The following CSMD2 variants were observed in gnomAD, a reference collection of about 807,000 sequenced individuals.
The protein encoded by CSMD2 is CUB and sushi domain-containing protein 2.
In CSMD2, 130 loss-of-function variants were observed where a neutral mutation model predicts 398.5. The observed-to-expected ratio is 0.33, with a 90% CI of 0.28 to 0.38. The LOEUF is 0.38. CSMD2 is among the 10% of genes least tolerant of loss of function. CSMD2 has a pLI of 1.00. For missense variants in CSMD2, 3,829 were observed against 4,764.9 expected (o/e 0.80, Z 5.78); for synonymous variants, 1,828 against 1,908.5 (o/e 0.96, Z 1.10).
chr1:33,670,934 A>C (rs984494512), intron 25 of CSMD2, among the ~76,000 whole-genome samples: 2 of 152,124 alleles, frequency 1.3e-5, no homozygotes, highest in Non-Finnish European at 2.9e-5. Context: ...TCTTTATAAG[A>C]GAAAAGAGAG....
intron 5 of CSMD2, among the ~76,000 whole-genome samples, chr1:33,904,306 A>G (rs1032357903): frequency 2.6e-5 from 4 of 152,174 alleles, no homozygotes; most frequent in African/African-American, 9.7e-5. Flanking sequence ...GGTCGTGGAG[A>G]AGGCTAAGAG....
At chr1:33,751,898 TA>T (rs1648304083) in intron 13 of CSMD2, among the ~76,000 whole-genome samples, 1 of 152,226 alleles carries the variant, frequency 6.6e-6, no homozygotes, top group Non-Finnish European at 1.5e-5. Context: ...GTGCTGGGAT[TA>T]CAGGCATGAG....
At chr1:34,025,199 GGT>G (rs1649476720) in intron 3 of CSMD2, among the ~76,000 whole-genome samples, 1 of 152,150 alleles carries the variant, frequency 6.6e-6, no homozygotes, top group Non-Finnish European at 1.5e-5. Flanking sequence ...AACACGCTGT[GGT>G]CCTTATACAG....
chr1:33,784,727 C>T (rs1653304820), intron 12 of CSMD2, among the ~76,000 whole-genome samples: 1 of 152,136 alleles, frequency 6.6e-6, no homozygotes, highest in Non-Finnish European at 1.5e-5. Context: ...GCCTGGAGGA[C>T]AAGAAATGTG....
chr1:34,033,430 A>T (rs1171615502), intron 2 of CSMD2, among the ~76,000 whole-genome samples: 2 of 152,258 alleles, frequency 1.3e-5, no homozygotes, highest in Non-Finnish European at 2.9e-5. Context: ...TTGAACCTGA[A>T]ATAATATGCT....
chr1:34,095,156 A>C (rs1396958782), intron 1 of CSMD2, among the ~76,000 whole-genome samples: 3 of 113,884 alleles, frequency 2.6e-5, no homozygotes, highest in Non-Finnish European at 5.3e-5. Context: ...CTCCTGAATG[A>C]CTACTGGGTA....
At chr1:33,617,735 C>T in intron 37 of CSMD2, 118 bp from the exon 38 acceptor site, 1 of 723,492 alleles carries the variant, frequency 1.4e-6, no homozygotes, top group Non-Finnish European at 2.5e-6. Flanking sequence ...TTTGTGCTTT[C>T]TCTCATCCTG....
intron 2 of CSMD2, among the ~76,000 whole-genome samples, chr1:34,070,023 TCAAA>T (rs748395089): frequency 3.9e-5 from 6 of 152,194 alleles, no homozygotes; most frequent in South Asian, 2.1e-4. Flanking sequence ...AACTGATCAA[TCAAA>T]CAAAGAAAAT....
Position 33,537,716 on chromosome 1 carries a change from G to A in CSMD2, c.9632-107C>T, listed in dbSNP as rs1655939291. 5 of 1,245,698 alleles carry A rather than the reference G, an allele frequency of 4.0e-6. No homozygotes were observed. The highest frequency in any genetic ancestry group is 2.9e-5 in the Admixed American group (1 of 34,636). The allele number at this position is 1,245,698 out of a possible 1,614,324, so 77.2% of individuals were successfully genotyped here. On this transcript the variant is annotated intron_variant, in intron 60 of 70. Coordinates refer to ENST00000373381, the MANE Select transcript of CSMD2 (RefSeq NM_001281956.2). The surrounding 1 kb of genome is among the most constrained non-coding windows in gnomAD (Gnocchi z 4.6). The stretch of plus-strand genomic sequence containing the variant: ...TTTGCACTGCTCCCTTCCTGGTTGA[G>A]CTTGAACTCTGGGAACCGGGGCAGC...
intron 12 of CSMD2, among the ~76,000 whole-genome samples, chr1:33,785,138 G>A (rs1422438647): frequency 1.3e-5 from 2 of 152,202 alleles, no homozygotes; most frequent in East Asian, 1.9e-4. Flanking sequence ...CATAGCATAT[G>A]CTTTATACCA....
intron 1 of CSMD2, among the ~76,000 whole-genome samples, chr1:34,147,432 G>T (rs573309945): frequency 6.6e-6 from 1 of 151,172 alleles, no homozygotes; most frequent in Non-Finnish European, 1.5e-5. Flanking sequence ...AGGAAGCTTG[G>T]CTGTGGCCAG....
At chr1:34,043,260 C>A (rs1183942436) in intron 2 of CSMD2, among the ~76,000 whole-genome samples, 5 of 152,078 alleles carry the variant, frequency 3.3e-5, no homozygotes. Flanking sequence ...CATCTCAGGG[C>A]CTTTGCAGAT....
chr1:33,832,109 A>G (rs1436438228), intron 6 of CSMD2, among the ~76,000 whole-genome samples: 1 of 129,314 alleles, frequency 7.7e-6, no homozygotes, highest in African/African-American at 3.1e-5. Flanking sequence ...TCAACGAGAC[A>G]GAAAGTTAAC....
At position 33,676,630 on chromosome 1, in the gene CSMD2, A is replaced by G. The variant is rs1644722348; in HGVS notation, c.4053-13538T>C. Among the ~76,000 whole-genome samples, 2 of 152,224 alleles carry G rather than the reference A, an allele frequency of 1.3e-5. 1 individual carries two copies. Among genetic ancestry groups the G allele is most frequent in the South Asian group, 4.1e-4 (2 of 4,830 alleles). Reference sequence around the variant, plus strand: ...ACTACTTTAAAGTTCATATGGCATCAAAAAAGAGCCCGCATCACCAAGTCA... The same window carrying G: ...ACTACTTTAAAGTTCATATGGCATCGAAAAAGAGCCCGCATCACCAAGTCA... On this transcript the variant is annotated intron_variant, in intron 25 of 70. Coordinates refer to ENST00000373381, the MANE Select transcript of CSMD2 (RefSeq NM_001281956.2).
intron 5 of CSMD2, among the ~76,000 whole-genome samples, chr1:33,910,944 CT>C (rs1643415761): frequency 6.6e-6 from 1 of 152,230 alleles, no homozygotes; most frequent in Non-Finnish European, 1.5e-5. Flanking sequence ...CCAAAGAATC[CT>C]GGCTATTACA....
intron 3 of CSMD2, 82 bp downstream of exon 3, chr1:34,032,512 C>A (rs1391845136): frequency 3.4e-6 from 3 of 872,504 alleles, no homozygotes; most frequent in African/African-American, 3.5e-5. Context: ...CACTTCCCTG[C>A]ATCTGTGAGC....
At chr1:34,154,885 G>A (rs571089930) in intron 1 of CSMD2, among the ~76,000 whole-genome samples, 15 of 151,970 alleles carry the variant, frequency 9.9e-5, no homozygotes, top group African/African-American at 2.9e-4. Context: ...ACACCACCAC[G>A]CCTGGCTAAT....
intron 7 of CSMD2, among the ~76,000 whole-genome samples, chr1:33,822,535 C>T (rs1041101062): frequency 8.5e-5 from 13 of 152,132 alleles, no homozygotes; most frequent in Non-Finnish European, 5.9e-5. Context: ...AAGCCAGTTA[C>T]CCCTACCCCT....
Position 33,624,974 on chromosome 1 carries a change from G to A in CSMD2, c.5500+77C>T. ...GCTGTGTGTCGTGGGGCATCACTGGGGCTGACTGCCTCCCCTACAGAGAAA... is the reference window on the plus strand; with the variant it reads ...GCTGTGTGTCGTGGGGCATCACTGGAGCTGACTGCCTCCCCTACAGAGAAA... On this transcript the variant is annotated intron_variant, in intron 34 of 70. Transcript: ENST00000373381. The surrounding 1 kb of genome is among the most constrained non-coding windows in gnomAD (Gnocchi z 4.7). 1 of 1,437,722 alleles carries A rather than the reference G, an allele frequency of 7.0e-7. No homozygotes were observed. The highest frequency in any genetic ancestry group is 9.7e-7 in the Non-Finnish European group (1 of 1,026,486). The allele number at this position is 1,437,722 out of a possible 1,614,324, so 89.1% of individuals were successfully genotyped here.
Sources: gnomAD v4.1 joint callset for allele counts (sites outside exome capture counted in the v4.1 genomes callset) on GRCh38, gnomAD v4.1.1 for gene constraint, Gnocchi (gnomAD v3.1) non-coding constraint, MANE v1.5 for transcripts, NCBI Gene and HGNC (gene_info 2026-07-23, HGNC 2026-07-21) for gene names.